The following ZMYND11 variants were observed in gnomAD, a reference collection of about 807,000 sequenced individuals.
ZMYND11 encodes zinc finger MYND domain-containing protein 11.
In ZMYND11, 9 loss-of-function variants were observed where a neutral mutation model predicts 84.9. The observed-to-expected ratio is 0.11, with a 90% CI of 0.06 to 0.18. The LOEUF is 0.18. ZMYND11 is among the 10% of genes least tolerant of loss of function. The probability of loss-of-function intolerance (pLI) is 1.00; values close to 1 mark genes in which losing one functional copy is unlikely to be tolerated. For missense variants in ZMYND11, 409 were observed against 761.0 expected (o/e 0.54, Z 5.44); for synonymous variants, 250 against 244.1 (o/e 1.02, Z -0.23).
chr10:188,608 A>AAT (rs1939431175), intron 2 of ZMYND11, among the ~76,000 whole-genome samples: 1 of 149,718 alleles, frequency 6.7e-6, no homozygotes, highest in Non-Finnish European at 1.5e-5. Flanking sequence ...AAAAAAAAAA[A>AAT]AATTTCCCAG....
intron 1 of ZMYND11, among the ~76,000 whole-genome samples, chr10:177,772 G>A (rs1364976346): frequency 3.3e-5 from 5 of 151,958 alleles, no homozygotes; most frequent in African/African-American, 7.3e-5. Context: ...ATACCTATAT[G>A]TATTATTCTT....
intron 8 of ZMYND11, among the ~76,000 whole-genome samples, 168 bp from the exon 9 acceptor site, chr10:240,725 T>A (rs1950745205): frequency 1.3e-5 from 2 of 152,204 alleles, no homozygotes; most frequent in Non-Finnish European, 2.9e-5. Context: ...AGTGACAGGG[T>A]CTTCCAGTAC....
intron 1 of ZMYND11, among the ~76,000 whole-genome samples, chr10:150,476 A>T (rs1026886498): frequency 6.6e-6 from 1 of 152,064 alleles, no homozygotes; most frequent in African/African-American, 2.4e-5. Context: ...TATCATTTTT[A>T]ATTGCGTCTA....
At chr10:206,725 G>C (rs1165629121) in intron 2 of ZMYND11, among the ~76,000 whole-genome samples, 3 of 152,064 alleles carry the variant, frequency 2.0e-5, no homozygotes, top group African/African-American at 7.2e-5. Flanking sequence ...AACATGTCTG[G>C]TTTTGGTCTT....
chr10:162,896 T>C (rs1422913540), intron 1 of ZMYND11, among the ~76,000 whole-genome samples: 10 of 152,178 alleles, frequency 6.6e-5, no homozygotes, highest in African/African-American at 1.9e-4. Context: ...GCTGTAATGG[T>C]GACTGGACTT....
At chr10:236,456 CCATT>C (rs1335763471) in intron 4 of ZMYND11, among the ~76,000 whole-genome samples, 1 of 152,252 alleles carries the variant, frequency 6.6e-6, no homozygotes, top group East Asian at 1.9e-4. Context: ...TTGAAATTCA[CCATT>C]CATTATTGCT....
At chr10:170,064 A>G (rs1844927348) in intron 1 of ZMYND11, among the ~76,000 whole-genome samples, 1 of 152,154 alleles carries the variant, frequency 6.6e-6, no homozygotes, top group Non-Finnish European at 1.5e-5. Flanking sequence ...AGAGGAGCAC[A>G]GTTAAGAATT....
At chr10:216,627 G>T (rs546934965) in intron 3 of ZMYND11, among the ~76,000 whole-genome samples, 9 of 152,242 alleles carry the variant, frequency 5.9e-5, no homozygotes, top group African/African-American at 1.9e-4. Context: ...TTTGCCAAGT[G>T]AATTATCGGT....
chr10:247,523 A>G (rs1952398811), intron 12 of ZMYND11, 57 bp downstream of exon 12: 22 of 1,556,528 alleles, frequency 1.4e-5, no homozygotes, highest in Non-Finnish European at 1.9e-5. Flanking sequence ...ATATTTTCAA[A>G]GTATTTTGTA....
intron 3 of ZMYND11, among the ~76,000 whole-genome samples, chr10:213,161 A>T (rs1290682455): frequency 6.6e-6 from 1 of 152,176 alleles, no homozygotes; most frequent in African/African-American, 2.4e-5. Context: ...TGTACAATTT[A>T]GGAAGCCCCA....
At chr10:160,638 G>A (rs61836334) in intron 1 of ZMYND11, among the ~76,000 whole-genome samples, 37,702 of 152,098 alleles carry the variant, frequency 0.25, 5,818 homozygotes, top group Non-Finnish European at 0.35. Context: ...TATCAACTAA[G>A]TTTATGGAAT....
At chr10:135,326 C>T (rs1249055599), upstream of ZMYND11, 3 of 150,888 alleles carry the variant, frequency 2.0e-5, no homozygotes, top group Non-Finnish European at 4.4e-5. The surrounding 1 kb of genome is among the most constrained non-coding windows in gnomAD (Gnocchi z 5.6). Context: ...AACATGGCGC[C>T]CCTCGAGCCC....
intron 1 of ZMYND11, among the ~76,000 whole-genome samples, chr10:170,804 G>A (rs6560742): frequency 0.91 from 139,041 of 152,058 alleles, 64,092 homozygotes; most frequent in Non-Finnish European, 0.97. Flanking sequence ...GTCAACCAAT[G>A]GAACATAGTG....
At chr10:250,013 A>C (rs1355096669) in intron 14 of ZMYND11, among the ~76,000 whole-genome samples, 1 of 152,200 alleles carries the variant, frequency 6.6e-6, no homozygotes, top group East Asian at 1.9e-4. Flanking sequence ...TTTTCTGTTA[A>C]AAAAACAACC....
At chr10:241,043 T>C in intron 9 of ZMYND11, 73 bp downstream of exon 9, 1 of 1,223,120 alleles carries the variant, frequency 8.2e-7, no homozygotes, top group Non-Finnish European at 1.2e-6. Context: ...GGTTAAAGAT[T>C]ATAATTTTCT....
intron 3 of ZMYND11, among the ~76,000 whole-genome samples, chr10:217,873 C>T (rs1023564080): frequency 3.9e-5 from 6 of 152,174 alleles, no homozygotes; most frequent in African/African-American, 7.2e-5. Flanking sequence ...TTGAATCAAT[C>T]GAGCTCCAGA....
chr10:209,204 A>G (rs1944732327), intron 2 of ZMYND11, among the ~76,000 whole-genome samples: 1 of 152,150 alleles, frequency 6.6e-6, no homozygotes, highest in Non-Finnish European at 1.5e-5. Flanking sequence ...TGGTGAATAC[A>G]AGGGAATCTG....
rs756172605 is a variant in ZMYND11 at position 252,377 on chromosome 10, C to T, written c.1716C>T (p.Tyr572=). The change falls in exon 15 of 15, where the codon TAC becomes TAT. Residue 572 remains tyrosine, a synonymous_variant. Transcript: ENST00000381604. The surrounding 1 kb of genome is among the most constrained non-coding windows in gnomAD (Gnocchi z 4.6). ...ACAACTGTGAGGAGGAGGCCATGTA[C>T]CACTGCTGCTGGAACACATCCTACT... ...WCYNCEEEAM[Y]HCCWNTSYCS... 18 of 1,613,970 alleles carry T rather than the reference C, an allele frequency of 1.1e-5. No individual in the cohort carries two copies. The Admixed American group carries it at 3.0e-4, about 27-fold the overall frequency.
intron 6 of ZMYND11, among the ~76,000 whole-genome samples, chr10:238,644 C>G (rs1004000745): frequency 6.6e-6 from 1 of 152,188 alleles, no homozygotes; most frequent in African/African-American, 2.4e-5. Flanking sequence ...GCGTGAGCCA[C>G]CGCGCCCGGC....
Sources: gnomAD v4.1 joint callset for allele counts (sites outside exome capture counted in the v4.1 genomes callset) on GRCh38, gnomAD v4.1.1 for gene constraint, Gnocchi (gnomAD v3.1) non-coding constraint, MANE v1.5 for transcripts, NCBI Gene and HGNC (gene_info 2026-07-23, HGNC 2026-07-21) for gene names.